The following PLXDC1 variants were observed in gnomAD, a reference collection of about 807,000 sequenced individuals.
PLXDC1 encodes plexin domain containing 1, also known as plexin domain-containing protein 1.
PLXDC1 carries 39 observed loss-of-function variants against 61.3 expected under a neutral mutation model. The observed-to-expected ratio is 0.64, with a 90% CI of 0.49 to 0.83. The LOEUF (loss-of-function observed/expected upper bound fraction) is 0.83. PLXDC1 is among the 40% of genes least tolerant of loss of function. The pLI is 0.00. For missense variants in PLXDC1, 596 were observed against 666.5 expected (o/e 0.89, Z 1.17); for synonymous variants, 212 against 254.5 (o/e 0.83, Z 1.59).
In PLXDC1 at chr17:39,118,076, CCCTCCCTCCCTTCCTT is replaced by C. The variant is rs1469738174; in HGVS notation, c.256-8701_256-8686del. On this transcript the variant is annotated intron_variant, in intron 2 of 13. Coordinates refer to ENST00000315392, the MANE Select transcript of PLXDC1 (RefSeq NM_020405.5). The stretch of plus-strand genomic sequence containing the variant: ...TCTAGAATTCCTTCCCTCCCTCCCT[CCCTCCCTCCCTTCCTT>C]CCTTCCTTCCTTCCTTCCTCTCTCT... Among the ~76,000 whole-genome samples, 11 of 88,886 alleles carry C rather than the reference CCCTCCCTCCCTTCCTT, an allele frequency of 1.2e-4. No individual in the cohort carries two copies. In the South Asian group the frequency reaches 1.8e-3, roughly 14 times the overall value. 58.3% of individuals were successfully genotyped at this position (88,886 alleles called of 152,430 possible).
At position 39,070,048 on chromosome 17, in the gene PLXDC1, T is replaced by G. The variant is rs981975795; in HGVS notation, c.1223-32A>C. 1.4e-5 allele frequency: 23 copies of G among 1,587,668 alleles called. No homozygotes were observed. The East Asian group carries it at 4.7e-4, about 33-fold the overall frequency. On this transcript the variant is annotated intron_variant, in intron 12 of 13. Transcript: ENST00000315392. ...AGAGATCATTAGGGCAGACAGGGGC[T>G]GCAGGGGAGCAGGGAAGGTCGAACC... is the stretch of plus-strand genomic sequence containing the variant.
chr17:39,091,576 C>T (rs1041299758), intron 7 of PLXDC1, among the ~76,000 whole-genome samples: 1 of 152,128 alleles, frequency 6.6e-6, no homozygotes, highest in African/African-American at 2.4e-5. Flanking sequence ...TCCAGGTGGT[C>T]CCCAAGGCGA....
chr17:39,107,946 G>T, intron 5 of PLXDC1, 177 bp downstream of exon 5: 1 of 711,896 alleles, frequency 1.4e-6, no homozygotes, highest in Admixed American at 2.4e-5. Flanking sequence ...GATTCTTCTG[G>T]GTAGCAGGCA....
intron 2 of PLXDC1, among the ~76,000 whole-genome samples, chr17:39,114,715 C>T (rs889663176): frequency 6.6e-6 from 1 of 152,196 alleles, no homozygotes; most frequent in Non-Finnish European, 1.5e-5. Flanking sequence ...CCAAACAAAG[C>T]AGGACAGCTG....
Position 39,149,904 on chromosome 17 carries a change from C to T in PLXDC1, c.76+1458G>A, listed in dbSNP as rs16511. 9.2e-3 allele frequency among the ~76,000 whole-genome samples: 1,402 copies of T among 152,264 alleles called. 24 individuals are homozygous for T. The highest frequency in any genetic ancestry group is 0.032 in the African/African-American group (1,341 of 41,540). Reference sequence around the variant, plus strand: ...GCCCAGAAATTATTCATAACATATCCAACTCTCTCCTGTTTACCTTGATTT... The same window carrying T: ...GCCCAGAAATTATTCATAACATATCTAACTCTCTCCTGTTTACCTTGATTT... On this transcript the variant is annotated intron_variant, in intron 1 of 13. Coordinates refer to ENST00000315392, the MANE Select transcript of PLXDC1 (RefSeq NM_020405.5).
intron 5 of PLXDC1, 154 bp downstream of exon 5, chr17:39,107,969 T>C: frequency 4.4e-6 from 4 of 908,050 alleles, no homozygotes; most frequent in South Asian, 1.5e-5. Context: ...TTTGCCCCTA[T>C]CTGACAGGTC....
At chr17:39,095,758 G>A (rs1290967914) in intron 7 of PLXDC1, among the ~76,000 whole-genome samples, 9 of 151,100 alleles carry the variant, frequency 6.0e-5, no homozygotes, top group Non-Finnish European at 1.2e-4. Context: ...TCCACCTCCC[G>A]GGTTCAAGCA....
intron 2 of PLXDC1, among the ~76,000 whole-genome samples, chr17:39,125,582 C>A (rs1207884055): frequency 6.6e-6 from 1 of 151,980 alleles, no homozygotes; most frequent in Non-Finnish European, 1.5e-5. Context: ...CAAAAACAGG[C>A]CTTCCCCATC....
At chr17:39,076,367 C>T (rs893284180) in intron 11 of PLXDC1, among the ~76,000 whole-genome samples, 4 of 150,990 alleles carry the variant, frequency 2.6e-5, no homozygotes, top group Non-Finnish European at 1.5e-5. Flanking sequence ...AAAAATTAGC[C>T]AGGTATGGTG....
At chr17:39,081,287 G>A (rs1909545614) in intron 9 of PLXDC1, 1 of 152,550 alleles carries the variant, frequency 6.6e-6, no homozygotes. Context: ...GAGGCTCTGT[G>A]AGTCTCATGC....
chr17:39,132,280 A>C (rs1407465316), intron 2 of PLXDC1, among the ~76,000 whole-genome samples: 1 of 152,146 alleles, frequency 6.6e-6, no homozygotes, highest in Non-Finnish European at 1.5e-5. Context: ...AAATTGTGGC[A>C]CATCCCAGGG....
intron 2 of PLXDC1, among the ~76,000 whole-genome samples, chr17:39,131,570 C>T (rs1276781897): frequency 3.3e-5 from 5 of 152,136 alleles, no homozygotes; most frequent in Non-Finnish European, 7.4e-5. Context: ...CCAGGCTGGT[C>T]TTGAACTCCT....
chr17:39,110,597 C>A (rs1051380135), intron 2 of PLXDC1, among the ~76,000 whole-genome samples: 4 of 152,198 alleles, frequency 2.6e-5, no homozygotes, highest in African/African-American at 9.7e-5. Flanking sequence ...GCAGCCACCG[C>A]CACAGAGGTG....
intron 2 of PLXDC1, among the ~76,000 whole-genome samples, chr17:39,120,015 T>A (rs1417051486): frequency 2.0e-5 from 3 of 152,062 alleles, no homozygotes; most frequent in East Asian, 1.9e-4. Flanking sequence ...ACTACCAGCA[T>A]TAATATTAAA....
At chr17:39,108,682 G>A (rs966051508) in intron 4 of PLXDC1, 5 of 580,346 alleles carry the variant, frequency 8.6e-6, no homozygotes, top group African/African-American at 3.7e-5. Context: ...GTGCTGGCCC[G>A]AGGAGACACA....
rs751026235 is a variant in PLXDC1 at position 39,087,699 on chromosome 17, G to A, written c.815C>T (p.Ser272Phe). Residue 272 changes from serine to phenylalanine, a missense_variant, in exon 8 of 14, where the codon TCT (serine) becomes TTT (phenylalanine). Physicochemically the swap from Ser to Phe is radical, Grantham distance 155. Coordinates refer to ENST00000315392, the MANE Select transcript of PLXDC1 (RefSeq NM_020405.5). ...ILNPSPDVPE[S>F]RRRSIFEYHR... ...ATATTCAAAGATGCTCCTTCGCCGAGATTCTGAAACAGAGGCAGAGCCTGT... is the reference window on the plus strand; with the variant it reads ...ATATTCAAAGATGCTCCTTCGCCGAAATTCTGAAACAGAGGCAGAGCCTGT... The A allele has an allele frequency of 1.2e-6, 2 of 1,612,230 alleles. No homozygotes were observed. Among genetic ancestry groups the A allele is most frequent in the African/African-American group, 2.7e-5 (2 of 75,046 alleles).
In PLXDC1 at chr17:39,072,271, G is replaced by A. The variant is rs552977887; in HGVS notation, c.1222+179C>T. On this transcript the variant is annotated intron_variant, in intron 12 of 13. Transcript: ENST00000315392. ...GGGTAGACATGTTCCTTCGATCTAG[G>A]GCACCTGTGCCCAGAAGCCCCCCTG... is the stretch of plus-strand genomic sequence containing the variant. 14 of 629,440 alleles carry A rather than the reference G, an allele frequency of 2.2e-5. No individual in the cohort carries two copies. In the African/African-American group the frequency reaches 2.6e-4, roughly 12 times the overall value. 39.0% of individuals were successfully genotyped at this position (629,440 alleles called of 1,614,324 possible).
At chr17:39,145,956 G>A (rs1020063790) in intron 1 of PLXDC1, among the ~76,000 whole-genome samples, 1 of 152,062 alleles carries the variant, frequency 6.6e-6, no homozygotes, top group African/African-American at 2.4e-5. Context: ...CCTTCCCTGG[G>A]TTTCACATGA....
At chr17:39,087,540 TG>T in intron 8 of PLXDC1, 66 bp downstream of exon 8, 1 of 1,232,232 alleles carries the variant, frequency 8.1e-7, no homozygotes, top group Non-Finnish European at 1.2e-6. Context: ...GTCATGGGCC[TG>T]GGACATGAAG....
Sources: gnomAD v4.1 joint callset for allele counts (sites outside exome capture counted in the v4.1 genomes callset) on GRCh38, gnomAD v4.1.1 for gene constraint, MANE v1.5 for transcripts, NCBI Gene and HGNC (gene_info 2026-07-23, HGNC 2026-07-21) for gene names.